Variants in EXOC6 observed in about 807,000 individuals in gnomAD.
EXOC6 encodes SEC15-like 1.
EXOC6 carries 60 observed loss-of-function variants against 112.5 expected under a neutral mutation model. The observed-to-expected ratio is 0.53, with a 90% CI of 0.43 to 0.66. EXOC6 has a LOEUF of 0.66. Among genes scored for constraint, EXOC6 ranks in the 30% least tolerant of loss-of-function variants. The pLI, the probability that EXOC6 is intolerant of heterozygous loss-of-function variation, is 0.00. For missense variants in EXOC6, 855 were observed against 957.1 expected (o/e 0.89, Z 1.41); for synonymous variants, 295 against 308.0 (o/e 0.96, Z 0.44).
chr10:93,055,699 T>TTTCAACTC (rs1846505963), intron 20 of EXOC6, among the ~76,000 whole-genome samples: 1 of 151,458 alleles, frequency 6.6e-6, no homozygotes, highest in African/African-American at 2.4e-5. Flanking sequence ...TATCCTAGTG[T>TTTCAACTC]TTCAACTGTT....
chr10:92,911,944 TG>T (rs1564823676), intron 6 of EXOC6, among the ~76,000 whole-genome samples: 826 of 55,718 alleles, frequency 0.015, 6 homozygotes, highest in African/African-American at 0.034. Flanking sequence ...TGTGCGTGTG[TG>T]TGTGTGTGTG....
rs1849800358 is a variant in EXOC6, at chr10:92,896,175, ATATATATTTTTTTTTTTTTTTTT to A, written c.412+1157_412+1179del. ...TATATATATATATATATATATATAT[ATATATATTTTTTTTTTTTTTTTT>A]TTTTTTTTTTTTTTTTTTTGGCGGA... On this transcript the variant is annotated intron_variant, in intron 4 of 21. Coordinates refer to ENST00000260762, the MANE Select transcript of EXOC6 (RefSeq NM_019053.6). Among the ~76,000 whole-genome samples the A allele has an allele frequency of 4.9e-4, 10 of 20,508 alleles. 1 individual carries two copies. Among genetic ancestry groups the A allele is most frequent in the African/African-American group, 1.4e-3 (7 of 4,946 alleles). 13.5% of individuals were successfully genotyped at this position (20,508 alleles called of 152,430 possible).
chr10:92,908,672 C>T (rs1850575785), intron 5 of EXOC6, among the ~76,000 whole-genome samples: 1 of 152,112 alleles, frequency 6.6e-6, no homozygotes, highest in Non-Finnish European at 1.5e-5. Flanking sequence ...TAGAATGCTA[C>T]TTGTAATATC....
intron 12 of EXOC6, among the ~76,000 whole-genome samples, chr10:92,939,373 A>C (rs1014329460): frequency 6.6e-6 from 1 of 151,960 alleles, no homozygotes; most frequent in Admixed American, 6.6e-5. Flanking sequence ...TGATTTGTAA[A>C]AGGTAAAAAT....
At chr10:92,996,474 A>G (rs1363783475) in intron 18 of EXOC6, among the ~76,000 whole-genome samples, 5 of 152,066 alleles carry the variant, frequency 3.3e-5, no homozygotes, top group East Asian at 1.9e-4. Context: ...AAAATTAGCC[A>G]GGCGTGGTGG....
At chr10:92,934,482 C>A in intron 11 of EXOC6, 52 bp downstream of exon 11, 1 of 1,451,542 alleles carries the variant, frequency 6.9e-7, no homozygotes, top group Admixed American at 2.5e-5. Context: ...ACTTCAAGAA[C>A]TTCTGAGCTG....
At chr10:92,994,903 G>A (rs1420299527) in intron 18 of EXOC6, among the ~76,000 whole-genome samples, 1 of 151,814 alleles carries the variant, frequency 6.6e-6, no homozygotes, top group East Asian at 1.9e-4. Flanking sequence ...CTAAAAATAT[G>A]TAGTACATGA....
chr10:92,968,508 G>A (rs1170950163), intron 17 of EXOC6, among the ~76,000 whole-genome samples: 2 of 152,050 alleles, frequency 1.3e-5, no homozygotes, highest in Non-Finnish European at 2.9e-5. Context: ...AAAAAATTCT[G>A]TTAATGTTTA....
chr10:92,922,166 G>A (rs1466288534), intron 8 of EXOC6, among the ~76,000 whole-genome samples: 4 of 151,852 alleles, frequency 2.6e-5, no homozygotes, highest in Non-Finnish European at 5.9e-5. Flanking sequence ...GCCTGGTCTC[G>A]AACTCCTGAC....
At chr10:92,948,573 C>CACTACT (rs71028860) in intron 14 of EXOC6, among the ~76,000 whole-genome samples, 194 bp downstream of exon 14, 37,479 of 139,834 alleles carry the variant, frequency 0.27, 5,349 homozygotes, top group East Asian at 0.46. Context: ...CTACTACTAC[C>CACTACT]ACTACTACTA....
chr10:93,052,206 A>G (rs1403060660), intron 20 of EXOC6, among the ~76,000 whole-genome samples: 2 of 152,230 alleles, frequency 1.3e-5, no homozygotes, highest in African/African-American at 4.8e-5. Context: ...AGTCACTTCA[A>G]GAGTTTCATA....
At chr10:92,875,057 C>G (rs372174097) in intron 1 of EXOC6, among the ~76,000 whole-genome samples, 1 of 152,080 alleles carries the variant, frequency 6.6e-6, no homozygotes, top group African/African-American at 2.4e-5. Flanking sequence ...TGTGCACTTT[C>G]CTAGGGAGAA....
At chr10:93,011,056 T>A (rs967840523) in intron 19 of EXOC6, among the ~76,000 whole-genome samples, 2 of 152,154 alleles carry the variant, frequency 1.3e-5, no homozygotes, top group Non-Finnish European at 2.9e-5. Flanking sequence ...ATATGTCTAA[T>A]TGAAATTGAG....
chr10:92,916,767 A>C (rs1423799183), intron 7 of EXOC6, among the ~76,000 whole-genome samples: 1 of 152,090 alleles, frequency 6.6e-6, no homozygotes, highest in African/African-American at 2.4e-5. Flanking sequence ...TTCTCAAATA[A>C]ATTTTTTTGC....
intron 13 of EXOC6, among the ~76,000 whole-genome samples, chr10:92,943,162 G>T (rs542343093): frequency 6.6e-6 from 1 of 151,978 alleles, no homozygotes; most frequent in African/African-American, 2.4e-5. Flanking sequence ...GGGACTACAG[G>T]CGCCCACCAC....
chr10:93,027,515 G>T (rs1251078982), intron 20 of EXOC6, among the ~76,000 whole-genome samples: 1 of 152,108 alleles, frequency 6.6e-6, no homozygotes, highest in Non-Finnish European at 1.5e-5. Context: ...AGTTTCAAAG[G>T]ACATTCAGAC....
intron 13 of EXOC6, among the ~76,000 whole-genome samples, chr10:92,941,611 G>A (rs1852671769): frequency 6.6e-6 from 1 of 151,958 alleles, no homozygotes; most frequent in Non-Finnish European, 1.5e-5. Context: ...ATACTTATAA[G>A]ACTATAAGTA....
At chr10:93,015,850 A>G (rs1056995315) in intron 20 of EXOC6, among the ~76,000 whole-genome samples, 3 of 152,224 alleles carry the variant, frequency 2.0e-5, no homozygotes, top group African/African-American at 7.2e-5. Context: ...AGTATGGTAC[A>G]TATAAAATAT....
intron 9 of EXOC6, among the ~76,000 whole-genome samples, chr10:92,932,794 A>C (rs1852119713): frequency 3.9e-5 from 6 of 152,222 alleles, no homozygotes. Flanking sequence ...TGTAGGAAAT[A>C]ATGTAAAATA....
Sources: gnomAD v4.1 joint callset for allele counts (sites outside exome capture counted in the v4.1 genomes callset) on GRCh38, gnomAD v4.1.1 for gene constraint, MANE v1.5 for transcripts, NCBI Gene and HGNC (gene_info 2026-07-23, HGNC 2026-07-21) for gene names.